Variants in FAM169A observed in about 807,000 individuals in gnomAD.
FAM169A encodes soluble lamin-associated protein of 75 kDa.
In FAM169A, 24 loss-of-function variants were observed where a neutral mutation model predicts 75.7. That is an observed-to-expected ratio of 0.32 (90% confidence interval 0.23 to 0.45). The LOEUF is 0.45. Among genes scored for constraint, FAM169A ranks in the 20% least tolerant of loss-of-function variants. The probability of loss-of-function intolerance (pLI) is 1.00; values close to 1 mark genes in which losing one functional copy is unlikely to be tolerated. For missense variants in FAM169A, 673 were observed against 784.0 expected (o/e 0.86, Z 1.69); for synonymous variants, 271 against 271.0 (o/e 1.00, Z 0.00).
chr5:74,854,299 G>C (rs1333636625), intron 1 of FAM169A, among the ~76,000 whole-genome samples: 1 of 152,066 alleles, frequency 6.6e-6, no homozygotes, highest in Non-Finnish European at 1.5e-5. Context: ...AGAGGCTGAG[G>C]CAGGAGAACT....
intron 6 of FAM169A, 51 bp from the exon 7 acceptor site, chr5:74,805,335 G>T: frequency 6.3e-7 from 1 of 1,578,472 alleles, no homozygotes; most frequent in Non-Finnish European, 8.6e-7. Flanking sequence ...CCACTGTTTT[G>T]AAAAACAGGA....
At chr5:74,796,760 T>C (rs1187207793) in intron 10 of FAM169A, among the ~76,000 whole-genome samples, 1 of 152,008 alleles carries the variant, frequency 6.6e-6, no homozygotes, top group East Asian at 1.9e-4. Context: ...GATCTTATTC[T>C]ATTAGAATGA....
At chr5:74,819,996 T>C (rs1370963550) in intron 5 of FAM169A, among the ~76,000 whole-genome samples, 1 of 142,008 alleles carries the variant, frequency 7.0e-6, no homozygotes, top group Admixed American at 6.9e-5. Flanking sequence ...TTGTATCCTT[T>C]TTTTTTTTTT....
intron 6 of FAM169A, among the ~76,000 whole-genome samples, 158 bp from the exon 7 acceptor site, chr5:74,805,442 ATAAATAAAAATTC>A (rs139765424): frequency 0.083 from 12,647 of 151,602 alleles, 651 homozygotes; most frequent in East Asian, 0.16. Flanking sequence ...AGTTTCATTT[ATAAATAAAAATTC>A]TAAATAAAAA....
chr5:74,844,911 T>C (rs897535541), intron 1 of FAM169A, among the ~76,000 whole-genome samples: 7 of 152,342 alleles, frequency 4.6e-5, no homozygotes, highest in African/African-American at 1.4e-4. Flanking sequence ...GAATATCTTG[T>C]TTTAAAAGTT....
intron 1 of FAM169A, among the ~76,000 whole-genome samples, chr5:74,852,585 T>C (rs1749496976): frequency 6.6e-6 from 1 of 152,008 alleles, no homozygotes; most frequent in Non-Finnish European, 1.5e-5. Context: ...ACAGATGTCC[T>C]TTCAAGAGGC....
intron 5 of FAM169A, among the ~76,000 whole-genome samples, chr5:74,820,629 A>C (rs980656824): frequency 6.6e-6 from 1 of 151,882 alleles, no homozygotes; most frequent in African/African-American, 2.4e-5. Context: ...AGCTACTGTC[A>C]CCTCTCACCA....
intron 5 of FAM169A, 30 bp from the exon 6 acceptor site, chr5:74,814,049 T>C: frequency 6.9e-7 from 1 of 1,444,922 alleles, no homozygotes; most frequent in South Asian, 1.7e-5. Context: ...AACCCAATAA[T>C]TTCTCACATT....
intron 5 of FAM169A, among the ~76,000 whole-genome samples, chr5:74,827,257 T>C (rs1748082190): frequency 6.6e-6 from 1 of 152,184 alleles, no homozygotes; most frequent in Non-Finnish European, 1.5e-5. Context: ...ATTACACCCT[T>C]CTTTTATATG....
At chr5:74,854,100 T>G (rs912152218) in intron 1 of FAM169A, among the ~76,000 whole-genome samples, 1 of 151,956 alleles carries the variant, frequency 6.6e-6, no homozygotes, top group African/African-American at 2.4e-5. Flanking sequence ...CCAGGGTAAA[T>G]AATCATATAT....
intron 4 of FAM169A, among the ~76,000 whole-genome samples, chr5:74,838,743 T>C (rs564480583): frequency 7.2e-4 from 110 of 152,320 alleles, no homozygotes; most frequent in Middle Eastern, 3.4e-3. Flanking sequence ...AACTAACCCA[T>C]AGGTATTCAT....
intron 5 of FAM169A, among the ~76,000 whole-genome samples, chr5:74,819,950 T>G (rs528310666): frequency 6.6e-6 from 1 of 152,002 alleles, no homozygotes; most frequent in Non-Finnish European, 1.5e-5. Context: ...GTGGTAATGG[T>G]TTCATAATTC....
At chr5:74,782,856 T>G in intron 12 of FAM169A, 75 bp downstream of exon 12, 1 of 1,029,794 alleles carries the variant, frequency 9.7e-7, no homozygotes. Flanking sequence ...AGCAAATATA[T>G]ATACCATGCA....
intron 6 of FAM169A, among the ~76,000 whole-genome samples, chr5:74,810,925 C>T (rs181496678): frequency 6.7e-6 from 1 of 148,392 alleles, no homozygotes; most frequent in East Asian, 2.0e-4. Flanking sequence ...ATCCTCCTGC[C>T]TCAGTCTCTC....
intron 11 of FAM169A, among the ~76,000 whole-genome samples, chr5:74,786,070 G>A (rs536894684): frequency 6.6e-6 from 1 of 152,274 alleles, no homozygotes; most frequent in East Asian, 1.9e-4. Flanking sequence ...GCAGAAGAAC[G>A]TGGAGAGATT....
chr5:74,784,118 TAG>T (rs1445327490), intron 11 of FAM169A, among the ~76,000 whole-genome samples: 4 of 152,182 alleles, frequency 2.6e-5, no homozygotes, highest in African/African-American at 9.6e-5. Flanking sequence ...ACATATAATC[TAG>T]AGTTACTGGT....
intron 5 of FAM169A, among the ~76,000 whole-genome samples, chr5:74,820,910 T>G (rs1157348437): frequency 6.6e-6 from 1 of 152,172 alleles, no homozygotes; most frequent in East Asian, 1.9e-4. Flanking sequence ...GCCACACTGC[T>G]CTTACTATTT....
chr5:74,777,586 GTTTAT>G lies in FAM169A; in HGVS notation c.*3869_*3873del, dbSNP rs1442946345. On this transcript the variant is annotated 3_prime_UTR_variant, in exon 13 of 13. Coordinates refer to ENST00000687041, the MANE Select transcript of FAM169A (RefSeq NM_001376049.1). ...TATAATCACCACATTGTTTTAAATT[GTTTAT>G]TTTTTTTTTAAAGAAGTCTGTCTTC... 6.8e-6 allele frequency: 1 copy of G among 146,068 alleles called. No homozygotes were observed. Among genetic ancestry groups the G allele is most frequent in the Non-Finnish European group, 1.5e-5 (1 of 66,626 alleles). The allele number at this position is 146,068 out of a possible 1,614,324, so 9.0% of individuals were successfully genotyped here.
At chr5:74,844,768 G>T (rs1475620550) in intron 1 of FAM169A, among the ~76,000 whole-genome samples, 1 of 152,148 alleles carries the variant, frequency 6.6e-6, no homozygotes, top group East Asian at 1.9e-4. Context: ...GGTGAGCCAA[G>T]ATCGCACCAC....
Sources: allele counts gnomAD v4.1 joint callset (sites outside exome capture counted in the v4.1 genomes callset), GRCh38; gene constraint gnomAD v4.1.1; transcripts MANE v1.5; gene names NCBI Gene and HGNC (gene_info 2026-07-23, HGNC 2026-07-21).